Variants in KEL observed in about 807,000 individuals in gnomAD.
The protein encoded by KEL is kell blood group glycoprotein.
In KEL, 96 loss-of-function variants were observed where a neutral mutation model predicts 99.5. That is an observed-to-expected ratio of 0.97 (90% CI 0.82 to 1.14). The LOEUF is 1.14. KEL is among the 50% of genes most tolerant of loss of function. The pLI is 0.00. For missense variants in KEL, 926 were observed against 924.2 expected, an observed-to-expected ratio of 1.00 and a Z score of -0.03; for synonymous variants, 355 against 354.8, an observed-to-expected ratio of 1.00 and a Z score of -0.01.
At chr7:142,961,983 C>A (rs1796971310) in intron 1 of KEL, 111 bp from the exon 2 acceptor site, 11 of 1,607,886 alleles carry the variant, frequency 6.8e-6, no homozygotes, top group Non-Finnish European at 9.4e-6. Flanking sequence ...CCTGCCCCCA[C>A]ACACATATTT....
intron 15 of KEL, 65 bp downstream of exon 15, chr7:142,943,421 C>A: frequency 6.2e-7 from 1 of 1,605,254 alleles, no homozygotes; most frequent in Non-Finnish European, 8.5e-7. Context: ...TAAGTCCCAT[C>A]CATCATAACA....
chr7:142,959,269 A>G (rs938466366), intron 4 of KEL, among the ~76,000 whole-genome samples: 2 of 152,208 alleles, frequency 1.3e-5, no homozygotes, highest in African/African-American at 4.8e-5. Flanking sequence ...CAGGAAAGAA[A>G]GACTCCCACA....
In KEL at chr7:142,961,110, G is replaced by T; in HGVS notation, c.224-6C>A. 6.2e-7 allele frequency: 1 copy of T among 1,613,364 alleles called. No homozygotes were observed. The highest frequency in any genetic ancestry group is 8.5e-7 in the Non-Finnish European group (1 of 1,180,026). ...CACAGATGTCTCACAGGGGCCTGTG[G>T]GGAAAAGCTCAGAGCTGGGAAAGAA... On this transcript the variant is annotated splice_region_variant and splice_polypyrimidine_tract_variant and intron_variant, in intron 3 of 18. Coordinates refer to ENST00000355265, the MANE Select transcript of KEL (RefSeq NM_000420.3).
At chr7:142,950,935 T>C (rs529799652) in intron 10 of KEL, among the ~76,000 whole-genome samples, 31 of 152,324 alleles carry the variant, frequency 2.0e-4, no homozygotes, top group African/African-American at 7.2e-4. Context: ...GAGCCTATTT[T>C]TGCTTCTGCA....
intron 1 of KEL, 35 bp from the exon 2 acceptor site, chr7:142,961,907 G>A (rs766108162): frequency 1.2e-5 from 20 of 1,609,460 alleles, no homozygotes; most frequent in Non-Finnish European, 1.4e-5. Context: ...GGAGAGAGAA[G>A]CTGGTTCAGG....
chr7:142,957,890 A>G lies in KEL; in HGVS notation c.609T>C (p.His203=). The change falls in exon 6 of 19, where the codon CAT becomes CAC. Residue 203 remains histidine (H), a synonymous_variant. Coordinates refer to ENST00000355265, the MANE Select transcript of KEL (RefSeq NM_000420.3). ...CTAGGTAGGCTCTGAAGAAAGGGAA[A>G]TGGCCATACTGACTCATCAGAAGTC... The part of the protein sequence containing the change: ...TLRLLMSQYG[H]FPFFRAYLGP... 6.2e-7 allele frequency: 1 copy of G among 1,614,108 alleles called. No homozygotes were observed. Among genetic ancestry groups the G allele is most frequent in the African/African-American group, 1.3e-5 (1 of 75,028 alleles).
At chr7:142,947,045 T>C (rs954451894) in intron 10 of KEL, among the ~76,000 whole-genome samples, 4 of 151,994 alleles carry the variant, frequency 2.6e-5, no homozygotes, top group African/African-American at 9.7e-5. Context: ...ACCTCAAGAA[T>C]GAGAAACAGA....
intron 10 of KEL, among the ~76,000 whole-genome samples, chr7:142,948,229 G>C (rs536611244): frequency 3.3e-5 from 5 of 152,214 alleles, no homozygotes; most frequent in African/African-American, 1.2e-4. Context: ...ATGTGGAATG[G>C]TAGTGTATAC....
chr7:142,958,656 A>G (rs1796888118), intron 4 of KEL, among the ~76,000 whole-genome samples: 2 of 152,218 alleles, frequency 1.3e-5, no homozygotes, highest in Admixed American at 1.3e-4. Context: ...TCTTTGCCAC[A>G]TTTTGAAATG....
Position 142,962,267 on chromosome 7 carries a change from G to T in KEL, c.-61C>A. ...TTCCACTCTAGGAGCTGATTCGGAGGACTGGGGTCCAGGAAACACCCCCCG... is the reference window on the plus strand; with the variant it reads ...TTCCACTCTAGGAGCTGATTCGGAGTACTGGGGTCCAGGAAACACCCCCCG... On this transcript the variant is annotated 5_prime_UTR_variant, in exon 1 of 19. Coordinates refer to ENST00000355265, the MANE Select transcript of KEL (RefSeq NM_000420.3). 6.2e-7 allele frequency: 1 copy of T among 1,604,544 alleles called. No individual in the cohort carries two copies. Among genetic ancestry groups the T allele is most frequent in the Non-Finnish European group, 8.5e-7 (1 of 1,171,274 alleles).
Position 142,958,400 on chromosome 7 carries a change from A to T in KEL, c.429T>A (p.Ser143=). Residue 143 remains serine, a synonymous_variant, in exon 5 of 19, where the codon TCT becomes TCA. Coordinates refer to ENST00000355265, the MANE Select transcript of KEL (RefSeq NM_000420.3). ...AGAACTGGAAGGCTTTCTCCTCCCC[A>T]GAGCCTGGGTGCCAGGAATTCTGGA... is the stretch of plus-strand genomic sequence containing the variant. ...LEVQNSWHPG[S]GEEKAFQFYN... is the part of the protein sequence containing the mutation. 6.2e-7 allele frequency: 1 copy of T among 1,614,160 alleles called. No individual in the cohort carries two copies. Among genetic ancestry groups the T allele is most frequent in the Non-Finnish European group, 8.5e-7 (1 of 1,180,036 alleles).
chr7:142,943,687 G>A, intron 14 of KEL, 91 bp from the exon 15 acceptor site: 1 of 1,441,442 alleles, frequency 6.9e-7, no homozygotes, highest in Non-Finnish European at 9.7e-7. Context: ...TACCATTACT[G>A]TTCATGCTGC....
intron 18 of KEL, among the ~76,000 whole-genome samples, chr7:142,941,619 T>C (rs1341830406): frequency 6.6e-6 from 1 of 152,084 alleles, no homozygotes; most frequent in Non-Finnish European, 1.5e-5. Flanking sequence ...ATGATACCAT[T>C]TATCAATGAC....
At chr7:142,942,170 C>T (rs1182905961) in intron 18 of KEL, 6 of 551,776 alleles carry the variant, frequency 1.1e-5, no homozygotes, top group African/African-American at 9.4e-5. Flanking sequence ...AGTTGGTCTC[C>T]TCCTCTCCTG....
At position 142,954,272 on chromosome 7, in the gene KEL, G is replaced by T. The variant is rs1021826637; in HGVS notation, c.836C>A (p.Thr279Asn). 1.2e-6 allele frequency: 2 copies of T among 1,614,144 alleles called. No individual in the cohort carries two copies. The highest frequency in any genetic ancestry group is 1.7e-6 in the Non-Finnish European group (2 of 1,180,016). ...QEHSSLSISI[T>N]SRLFQFLRPL... ...CCTCAGAAACTGGAACAGCCGTGAA[G>T]TGATGGAGATTGACAAGGAAGAGTG... Residue 279 changes from threonine (T) to asparagine (N), a missense_variant, in exon 8 of 19, where the codon ACT becomes AAT. By Grantham distance (65) the Thr-to-Asn change is moderately conservative. Coordinates refer to ENST00000355265, the MANE Select transcript of KEL (RefSeq NM_000420.3).
intron 10 of KEL, among the ~76,000 whole-genome samples, chr7:142,948,738 T>C (rs146229218): frequency 2.7e-3 from 413 of 152,162 alleles, no homozygotes; most frequent in African/African-American, 9.2e-3. Context: ...CAAACTCCAA[T>C]AGGGGCCATG....
Position 142,958,417 on chromosome 7 carries a change from A to T in KEL, c.412T>A (p.Ser138Thr), listed in dbSNP as rs776743713. The T allele has an allele frequency of 2.9e-5, 46 of 1,613,906 alleles. No homozygotes were observed. The highest frequency in any genetic ancestry group is 1.8e-4 in the Admixed American group (11 of 60,004). The change falls in exon 5 of 19, where the codon TCC becomes ACC. Residue 138 changes from serine (S) to threonine (T), a missense_variant. By Grantham distance (58) the Ser-to-Thr change is moderately conservative (BLOSUM62 1). Transcript: ENST00000355265. ...TCCTCCCCAGAGCCTGGGTGCCAGGAATTCTGGACCTCTAGAAAGGAAGCA... is the reference window on the plus strand; with the variant it reads ...TCCTCCCCAGAGCCTGGGTGCCAGGTATTCTGGACCTCTAGAAAGGAAGCA... ...RLRRILEVQN[S>T]WHPGSGEEKA...
chr7:142,958,428 T>C lies in KEL; in HGVS notation c.401A>G (p.Glu134Gly). 1.2e-6 allele frequency: 2 copies of C among 1,613,934 alleles called. No homozygotes were observed. The highest frequency in any genetic ancestry group is 1.7e-6 in the Non-Finnish European group (2 of 1,180,002). Residue 134 changes from glutamate (E) to glycine (G), a missense_variant and splice_region_variant, in exon 5 of 19, where the codon GAG becomes GGG. Coordinates refer to ENST00000355265, the MANE Select transcript of KEL (RefSeq NM_000420.3). ...GCCTGGGTGCCAGGAATTCTGGACC[T>C]CTAGAAAGGAAGCATGGGAGTGAGG... Reference protein sequence around the residue: ...KNKNRLRRILEVQNSWHPGSG... With the variant: ...KNKNRLRRILGVQNSWHPGSG...
At chr7:142,948,001 C>G (rs1038683039) in intron 10 of KEL, among the ~76,000 whole-genome samples, 2 of 152,242 alleles carry the variant, frequency 1.3e-5, no homozygotes, top group African/African-American at 4.8e-5. Context: ...TCTTACCAGA[C>G]AGTTGCTACA....
Sources: allele counts gnomAD v4.1 joint callset (sites outside exome capture counted in the v4.1 genomes callset), GRCh38; gene constraint gnomAD v4.1.1; transcripts MANE v1.5; gene names NCBI Gene and HGNC (gene_info 2026-07-23, HGNC 2026-07-21).